The following MYO15A variants were observed in gnomAD, a reference collection of about 807,000 sequenced individuals.
The protein encoded by MYO15A is myosin XVA.
MYO15A carries 308 observed loss-of-function variants against 394.6 expected under a neutral mutation model. That is an observed-to-expected ratio of 0.78 (90% CI 0.71 to 0.86). The LOEUF (loss-of-function observed/expected upper bound fraction) is 0.86, where lower values mean the gene tolerates loss of function less well. Ranked by LOEUF, MYO15A falls within the 40% of genes least tolerant of loss-of-function variation. The pLI, the probability that MYO15A is intolerant of heterozygous loss-of-function variation, is 0.00. For synonymous variants in MYO15A, 1,957 were observed against 2,003.8 expected (o/e 0.98, Z 0.62); for missense variants, 4,606 against 4,799.1 (o/e 0.96, Z 1.19).
chr17:18,142,649 G>T, intron 24 of MYO15A, 107 bp from the exon 25 acceptor site: 1 of 933,222 alleles, frequency 1.1e-6, no homozygotes. Context: ...CCAAAAGTGA[G>T]ATGTGGGCAC....
At chr17:18,125,854 C>A (rs541354889) in intron 4 of MYO15A, among the ~76,000 whole-genome samples, 13 of 152,196 alleles carry the variant, frequency 8.5e-5, no homozygotes, top group African/African-American at 2.6e-4. Flanking sequence ...TAGACCTGGA[C>A]CCCAGAGTGG....
Position 18,120,854 on chromosome 17 carries a change from C to A in MYO15A, c.2054C>A (p.Ser685Ter), listed in dbSNP as rs2045909405. 8.3e-7 allele frequency: 1 copy of A among 1,200,378 alleles called. No individual in the cohort carries two copies. Among genetic ancestry groups the A allele is most frequent in the Non-Finnish European group, 1.0e-6 (1 of 965,572 alleles). 74.4% of individuals were successfully genotyped at this position (1,200,378 alleles called of 1,614,324 possible). ...PPAPPLSPALSGLPRPASPYG... is the reference protein window; with the variant it reads ...PPAPPLSPAL Reference sequence around the variant, plus strand: ...GCGCCGCCGCTCTCCCCGGCGCTCTCGGGCCTGCCCCGGCCGGCCTCGCCC... The same window carrying A: ...GCGCCGCCGCTCTCCCCGGCGCTCTAGGGCCTGCCCCGGCCGGCCTCGCCC... Residue 685 changes from serine to a stop codon, truncating the protein, a stop_gained, in exon 2 of 66, where the codon TCG (serine) becomes TAG (stop). Transcript: ENST00000647165. LOFTEE classifies it high-confidence loss of function.
Position 18,117,858 on chromosome 17 carries a change from CCA to C in MYO15A, c.-219-723_-219-722del. Among the ~76,000 whole-genome samples, 1 of 152,178 alleles carries C rather than the reference CCA, an allele frequency of 6.6e-6. No individual in the cohort carries two copies. Among genetic ancestry groups the C allele is most frequent in the East Asian group, 1.9e-4 (1 of 5,194 alleles). On this transcript the variant is annotated intron_variant, in intron 1 of 65. Coordinates refer to ENST00000647165, the MANE Select transcript of MYO15A (RefSeq NM_016239.4). This position sits in a 1 kb window ranked among gnomAD's most constrained non-coding sequence, Gnocchi z 4.1. ...AGAAAGGAGCCAGCAGGAGGCATCT[CCA>C]GTTACCCAGCAGCTCCATCAGGTCT...
chr17:18,126,670 C>G, intron 5 of MYO15A, 121 bp from the exon 6 acceptor site: 1 of 1,271,668 alleles, frequency 7.9e-7, no homozygotes, highest in Non-Finnish European at 1.1e-6. Context: ...GAGCATTCCC[C>G]CAACAGGGTG....
At position 18,166,538 on chromosome 17, in the gene MYO15A, T is replaced by C; in HGVS notation, c.9948+17T>C. The C allele has an allele frequency of 1.2e-6, 2 of 1,610,796 alleles. No homozygotes were observed. Among genetic ancestry groups the C allele is most frequent in the Non-Finnish European group, 1.7e-6 (2 of 1,179,980 alleles). On this transcript the variant is annotated intron_variant, in intron 61 of 65. Coordinates refer to ENST00000647165, the MANE Select transcript of MYO15A (RefSeq NM_016239.4). ...TACAACCAGGTCAGCACACGTAGGCTTCTCTGGACTCTGGGACCTTCTAGG... is the reference window on the plus strand; with the variant it reads ...TACAACCAGGTCAGCACACGTAGGCCTCTCTGGACTCTGGGACCTTCTAGG...
chr17:18,119,566 G>A lies in MYO15A; in HGVS notation c.766G>A (p.Glu256Lys), dbSNP rs1372814382. 29 of 1,606,670 alleles carry A rather than the reference G, an allele frequency of 1.8e-5. No individual in the cohort carries two copies. Among genetic ancestry groups the A allele is most frequent in the Non-Finnish European group, 2.4e-5 (28 of 1,179,948 alleles). ...YDRQSLHRYE[E>K]QEPYLAGLGP... ...CCGGCAGTCACTCCACCGCTACGAG[G>A]AGCAGGAACCCTACCTGGCGGGCCT... Residue 256 changes from glutamate to lysine, a missense_variant, in exon 2 of 66, where the codon GAG becomes AAG. Glu to Lys is a moderately conservative substitution (Grantham distance 56, BLOSUM62 1). Transcript: ENST00000647165.
In MYO15A at chr17:18,148,119, G is replaced by A. The variant is rs751663619; in HGVS notation, c.6600G>A (p.Ser2200=). The A allele has an allele frequency of 2.7e-5, 43 of 1,613,688 alleles. No individual in the cohort carries two copies. Among genetic ancestry groups the A allele is most frequent in the Non-Finnish European group, 3.6e-5 (42 of 1,180,044 alleles). The change falls in exon 31 of 66, where the codon TCG becomes TCA. Residue 2200 remains serine, a synonymous_variant. Transcript: ENST00000647165. The surrounding 1 kb of genome is among the most constrained non-coding windows in gnomAD (Gnocchi z 4.8). ...TGGGCCGGGCCCAACAGCAGGGCTC[G>A]GGGGCTGCCCGCACCTTACCCCCGA... The part of the protein sequence containing the change: ...QAMGRAQQQG[S]GAARTLPPTQ...
rs762721401 is a variant in MYO15A at position 18,119,247 on chromosome 17, G to A, written c.447G>A (p.Ser149=). The A allele has an allele frequency of 3.7e-6, 6 of 1,612,212 alleles. No individual in the cohort carries two copies. The Admixed American group carries it at 8.3e-5, about 22-fold the overall frequency. ...KKFLLKKAEE[S]GSEQATVDAW... ...TCCTCCTCAAGAAGGCCGAGGAGTC[G>A]GGCAGCGAACAGGCCACAGTGGACG... Residue 149 remains serine, a synonymous_variant, in exon 2 of 66, where the codon TCG becomes TCA. Coordinates refer to ENST00000647165, the MANE Select transcript of MYO15A (RefSeq NM_016239.4).
Position 18,161,424 on chromosome 17 carries a change from G to T in MYO15A, c.9494G>T (p.Arg3165Leu). The change falls in exon 57 of 66, where the codon CGG becomes CTG. Residue 3165 changes from arginine (R) to leucine (L), a missense_variant. By Grantham distance (102) the Arg-to-Leu change is moderately radical. Transcript: ENST00000647165. ...ACTCGCTTCCTCCAAGACGTGAGCC[G>T]GACCCCAGGCCTGCCCTTTCAGGGT... ...HLTRFLQDVS[R>L]TPGLPFQGIA... 6.2e-7 allele frequency: 1 copy of T among 1,613,982 alleles called. No homozygotes were observed.
chr17:18,175,068 G>A (rs1015883792), intron 65 of MYO15A, among the ~76,000 whole-genome samples: 2 of 148,092 alleles, frequency 1.4e-5, no homozygotes, highest in Non-Finnish European at 3.0e-5. Context: ...GCTCTGTGGT[G>A]TTCTCCTACC....
chr17:18,162,485 G>A, intron 57 of MYO15A, 100 bp from the exon 58 acceptor site: 1 of 1,053,448 alleles, frequency 9.5e-7, no homozygotes, highest in Non-Finnish European at 1.4e-6. Context: ...CCCACAGCTT[G>A]TGGAGAGAAT....
chr17:18,111,392 G>C (rs2045719678), intron 1 of MYO15A, among the ~76,000 whole-genome samples: 1 of 151,762 alleles, frequency 6.6e-6, no homozygotes, highest in Non-Finnish European at 1.5e-5. Flanking sequence ...CTACAACACA[G>C]GGAGCTCCAT....
intron 13 of MYO15A, 38 bp from the exon 14 acceptor site, chr17:18,136,379 C>A: frequency 6.2e-7 from 1 of 1,612,590 alleles, no homozygotes; most frequent in Non-Finnish European, 8.5e-7. Flanking sequence ...GGCAGAGTGG[C>A]CAGCCTGATG....
chr17:18,138,015 G>T lies in MYO15A; in HGVS notation c.4876-100G>T, dbSNP rs2046309751. ...TGTTCTGGGAGGTATGCAAGCAGAG[G>T]TGCTGCTGGCCAGGCTCCTTCAGAT... On this transcript the variant is annotated intron_variant, in intron 16 of 65. Coordinates refer to ENST00000647165, the MANE Select transcript of MYO15A (RefSeq NM_016239.4). 5 of 1,466,718 alleles carry T rather than the reference G, an allele frequency of 3.4e-6. No individual in the cohort carries two copies. The South Asian group carries it at 6.2e-5, about 18-fold the overall frequency. The allele number at this position is 1,466,718 out of a possible 1,614,324, so 90.9% of individuals were successfully genotyped here. A position where few individuals can be genotyped will look rare whatever the true frequency, so the allele number is the denominator to read the frequency against.
At chr17:18,124,372 G>T in intron 2 of MYO15A, 111 bp from the exon 3 acceptor site, 1 of 1,132,868 alleles carries the variant, frequency 8.8e-7, no homozygotes, top group Non-Finnish European at 1.3e-6. Flanking sequence ...ACCTGGCCTT[G>T]GGGTTCCCTC....
chr17:18,177,779 A>C (rs1218544019), intron 65 of MYO15A: 2 of 152,258 alleles, frequency 1.3e-5, no homozygotes. Context: ...AGGACACATC[A>C]GGCCTTTAGG....
rs1181019065 is a variant in MYO15A at position 18,119,055 on chromosome 17, G to GCT, written c.257_258dup (p.Met87SerfsTer2). 6 of 1,612,302 alleles carry GCT rather than the reference G, an allele frequency of 3.7e-6. No homozygotes were observed. The South Asian group carries it at 5.5e-5, about 15-fold the overall frequency. ...GCACCGTGCTCAAGTCCACGTCAAA[G>GCT]CTCATGACGCAGATGCGCATGGGCA... On this transcript the variant is annotated frameshift_variant, in exon 2 of 66. Transcript: ENST00000647165. LOFTEE classifies it high-confidence loss of function.
At chr17:18,145,450 A>C (rs1198460871) in intron 29 of MYO15A, among the ~76,000 whole-genome samples, 1 of 152,120 alleles carries the variant, frequency 6.6e-6, no homozygotes, top group East Asian at 1.9e-4. Flanking sequence ...ACGGTGGCGC[A>C]CACTTGTAAT....
chr17:18,178,097 C>T (rs751132617), intron 65 of MYO15A: 9 of 155,280 alleles, frequency 5.8e-5, no homozygotes, highest in Non-Finnish European at 1.3e-4. Flanking sequence ...CGTGGCCGGG[C>T]GCGGTGGCTC....
Sources: allele counts gnomAD v4.1 joint callset (sites outside exome capture counted in the v4.1 genomes callset), GRCh38; gene constraint gnomAD v4.1.1; non-coding constraint Gnocchi (gnomAD v3.1); transcripts MANE v1.5; gene names NCBI Gene and HGNC (gene_info 2026-07-23, HGNC 2026-07-21).